RYR2: variants seen among roughly 807,000 people sequenced by gnomAD.
RYR2 encodes the protein ryanodine receptor 2, also known as cardiac muscle ryanodine receptor-calcium release channel.
Under a neutral mutation model 601.1 loss-of-function variants are expected in RYR2, and 227 were observed. The ratio of observed to expected loss-of-function variants is 0.38; its 90% CI spans 0.34 to 0.42. The LOEUF is 0.42. Ranked by LOEUF, RYR2 falls within the 10% of genes least tolerant of loss-of-function variation. RYR2 has a pLI of 1.00. For missense variants in RYR2, 4,646 were observed against 6,156.5 expected, an observed-to-expected ratio of 0.75 and a Z score of 8.21; for synonymous variants, 2,223 against 2,175.1, an observed-to-expected ratio of 1.02 and a Z score of -0.61.
chr1:237,148,394 C>G (rs995120382), intron 1 of RYR2, among the ~76,000 whole-genome samples: 2 of 151,408 alleles, frequency 1.3e-5, no homozygotes, highest in African/African-American at 4.9e-5. Context: ...AGGACAAATA[C>G]CTAATGCATG....
At chr1:237,311,462 C>T (rs1273659585) in intron 2 of RYR2, among the ~76,000 whole-genome samples, 3 of 151,130 alleles carry the variant, frequency 2.0e-5, no homozygotes, top group African/African-American at 7.3e-5. Context: ...ATATGACATG[C>T]AATGACCTGA....
chr1:237,069,650 AT>A (rs1664066399), intron 1 of RYR2, among the ~76,000 whole-genome samples: 1 of 152,182 alleles, frequency 6.6e-6, no homozygotes, highest in Non-Finnish European at 1.5e-5. Context: ...GAAGTACTGA[AT>A]TATTAGGAGT....
intron 2 of RYR2, among the ~76,000 whole-genome samples, chr1:237,313,795 G>A (rs1694812229): frequency 6.6e-6 from 1 of 151,624 alleles, no homozygotes; most frequent in Admixed American, 6.6e-5. Flanking sequence ...TTTTGCTAGG[G>A]GTTACTGAAA....
chr1:237,519,949 T>C (rs1445627617), intron 24 of RYR2, among the ~76,000 whole-genome samples: 1 of 152,182 alleles, frequency 6.6e-6, no homozygotes, highest in East Asian at 1.9e-4. Flanking sequence ...TCATCTATAA[T>C]TTCTTTCATC....
At chr1:237,627,699 G>A in intron 40 of RYR2, 108 bp from the exon 41 acceptor site, 1 of 1,165,540 alleles carries the variant, frequency 8.6e-7, no homozygotes, top group South Asian at 1.7e-5. Flanking sequence ...TTCAAGCCTG[G>A]TACAAATAGA....
chr1:237,680,263 A>G (rs1288372113), intron 61 of RYR2, among the ~76,000 whole-genome samples, 193 bp from the exon 62 acceptor site: 2 of 152,178 alleles, frequency 1.3e-5, no homozygotes, highest in African/African-American at 2.4e-5. Context: ...TCTGTTCACC[A>G]TAATCACATC....
intron 77 of RYR2, 117 bp from the exon 78 acceptor site, chr1:237,731,928 AG>A: frequency 3.5e-6 from 2 of 573,040 alleles, no homozygotes; most frequent in Non-Finnish European, 6.3e-6. Flanking sequence ...ACCCCACAAC[AG>A]GGAAGGAGGA....
chr1:237,538,019 A>AT (rs1668828077), intron 25 of RYR2, among the ~76,000 whole-genome samples: 1 of 152,096 alleles, frequency 6.6e-6, no homozygotes, highest in Non-Finnish European at 1.5e-5. Context: ...GAGGTGATTG[A>AT]TAACAGAAAC....
intron 34 of RYR2, among the ~76,000 whole-genome samples, chr1:237,600,130 TTG>T (rs1399422515): frequency 1.9e-4 from 29 of 152,140 alleles, no homozygotes; most frequent in African/African-American, 7.0e-4. Context: ...CAAAGCAATC[TTG>T]AGCAAAAAGA....
intron 17 of RYR2, among the ~76,000 whole-genome samples, chr1:237,488,510 C>G (rs904367848): frequency 6.6e-6 from 1 of 152,166 alleles, no homozygotes; most frequent in Non-Finnish European, 1.5e-5. Context: ...GGAACATCTC[C>G]TAATACCATT....
intron 1 of RYR2, among the ~76,000 whole-genome samples, chr1:237,056,003 C>CAGCACTGCACCTGTGAGGACTGG (rs1558153478): frequency 7.2e-6 from 1 of 138,000 alleles, no homozygotes; most frequent in African/African-American, 2.8e-5. Flanking sequence ...GTGAGGACTG[C>CAGCACTGCACCTGTGAGGACTGG]AGCACTGCAC....
At chr1:237,602,459 A>T (rs1274000838) in intron 35 of RYR2, among the ~76,000 whole-genome samples, 1 of 152,202 alleles carries the variant, frequency 6.6e-6, no homozygotes, top group African/African-American at 2.4e-5. Context: ...TGTATGGAAT[A>T]CTCCAGTAAC....
intron 80 of RYR2, among the ~76,000 whole-genome samples, chr1:237,747,798 A>G (rs947271112): frequency 6.6e-6 from 1 of 152,212 alleles, no homozygotes; most frequent in Non-Finnish European, 1.5e-5. Flanking sequence ...ATAGCTACGG[A>G]TATAAAATAT....
intron 63 of RYR2, 83 bp downstream of exon 63, chr1:237,687,587 G>A (rs1686542986): frequency 9.7e-7 from 1 of 1,027,978 alleles, no homozygotes; most frequent in African/African-American, 1.6e-5. Flanking sequence ...GTGCTGCTAT[G>A]TTGCATGGAT....
intron 102 of RYR2, among the ~76,000 whole-genome samples, chr1:237,828,775 G>T (rs902084602): frequency 5.3e-5 from 8 of 152,152 alleles, no homozygotes; most frequent in Non-Finnish European, 1.0e-4. Flanking sequence ...TGGGAGTAAA[G>T]CCCTGGAGTG....
chr1:237,585,453 G>A (rs1277603159), intron 29 of RYR2, among the ~76,000 whole-genome samples: 1 of 152,100 alleles, frequency 6.6e-6, no homozygotes, highest in African/African-American at 2.4e-5. Context: ...CATTACGCAG[G>A]ATACTTTGTC....
At chr1:237,348,483 A>G (rs1698488813) in intron 3 of RYR2, among the ~76,000 whole-genome samples, 1 of 152,186 alleles carries the variant, frequency 6.6e-6, no homozygotes, top group South Asian at 2.1e-4. Context: ...CCAGGCTCTC[A>G]GTTGGAATCC....
At chr1:237,810,909 A>G (rs994910200) in intron 100 of RYR2, among the ~76,000 whole-genome samples, 15 of 152,268 alleles carry the variant, frequency 9.9e-5, no homozygotes, top group African/African-American at 3.6e-4. Context: ...AATAATTCAT[A>G]TTTTTGATAT....
intron 29 of RYR2, among the ~76,000 whole-genome samples, chr1:237,584,958 C>A (rs1381234647): frequency 6.6e-6 from 1 of 151,516 alleles, no homozygotes; most frequent in Non-Finnish European, 1.5e-5. Flanking sequence ...CCAGGCTGGT[C>A]TCAAATTCCT....
Sources: gnomAD v4.1 joint callset for allele counts (sites outside exome capture counted in the v4.1 genomes callset) on GRCh38, gnomAD v4.1.1 for gene constraint, MANE v1.5 for transcripts, NCBI Gene and HGNC (gene_info 2026-07-23, HGNC 2026-07-21) for gene names.